The following SLC35F3 variants were observed in gnomAD, a reference collection of about 807,000 sequenced individuals.
SLC35F3 encodes the protein putative thiamine transporter SLC35F3.
In SLC35F3, 25 loss-of-function variants were observed where a neutral mutation model predicts 49.9. The ratio of observed to expected loss-of-function variants is 0.50; its 90% CI spans 0.37 to 0.70. The LOEUF (loss-of-function observed/expected upper bound fraction) is 0.70, where lower values mean the gene tolerates loss of function less well. Ranked by LOEUF, SLC35F3 falls within the 30% of genes least tolerant of loss-of-function variation. The probability of loss-of-function intolerance (pLI) is 0.00; values close to 1 mark genes in which losing one functional copy is unlikely to be tolerated. For synonymous variants in SLC35F3, 275 were observed against 265.4 expected (o/e 1.04, Z -0.35); for missense variants, 525 against 639.8 (o/e 0.82, Z 1.94).
chr1:234,309,604 T>G (rs1175590034), intron 4 of SLC35F3, among the ~76,000 whole-genome samples: 1 of 152,244 alleles, frequency 6.6e-6, no homozygotes, highest in Non-Finnish European at 1.5e-5. Flanking sequence ...GGACCCAGCC[T>G]GGGAATGGCG....
chr1:234,149,570 G>A (rs900768933), intron 2 of SLC35F3, among the ~76,000 whole-genome samples: 1 of 152,112 alleles, frequency 6.6e-6, no homozygotes, highest in Non-Finnish European at 1.5e-5. Context: ...CATCCCTGAT[G>A]GCTTCCTCCA....
intron 2 of SLC35F3, among the ~76,000 whole-genome samples, chr1:233,951,504 G>T (rs187183006): frequency 6.6e-6 from 1 of 151,976 alleles, no homozygotes; most frequent in East Asian, 1.9e-4. Context: ...TCTTTGTTTA[G>T]ATATGTTTAG....
chr1:234,307,021 A>G (rs768342458), intron 3 of SLC35F3, among the ~76,000 whole-genome samples: 52 of 152,194 alleles, frequency 3.4e-4, no homozygotes, highest in Non-Finnish European at 1.6e-4. Flanking sequence ...GGTCATACTC[A>G]ATGGACCAGC....
At chr1:234,005,088 A>G (rs1420899697) in intron 2 of SLC35F3, among the ~76,000 whole-genome samples, 1 of 152,186 alleles carries the variant, frequency 6.6e-6, no homozygotes, top group East Asian at 1.9e-4. Context: ...AAAAGATTTT[A>G]AAGACAAATT....
intron 2 of SLC35F3, among the ~76,000 whole-genome samples, chr1:234,166,016 C>T (rs1054105328): frequency 3.9e-5 from 6 of 152,098 alleles, no homozygotes; most frequent in African/African-American, 1.4e-4. Flanking sequence ...CAAGTTGATG[C>T]AAAAAATATT....
intron 2 of SLC35F3, among the ~76,000 whole-genome samples, chr1:234,058,768 A>G (rs189067100): frequency 1.3e-4 from 20 of 152,256 alleles, no homozygotes; most frequent in East Asian, 9.6e-4. Flanking sequence ...TGCCGCCCTC[A>G]TAGAATGATT....
intron 2 of SLC35F3, among the ~76,000 whole-genome samples, chr1:234,075,666 G>C (rs114472195): frequency 6.6e-6 from 1 of 152,174 alleles, no homozygotes; most frequent in Non-Finnish European, 1.5e-5. Flanking sequence ...CTAGGTAGTG[G>C]TGTGAAATCT....
At chr1:234,066,587 T>C (rs979171436) in intron 2 of SLC35F3, among the ~76,000 whole-genome samples, 1 of 152,124 alleles carries the variant, frequency 6.6e-6, no homozygotes, top group Non-Finnish European at 1.5e-5. Flanking sequence ...ATTATGCTCC[T>C]GGTCTCTTCC....
At position 234,290,676 on chromosome 1, in the gene SLC35F3, T is replaced by A. The variant is rs1054528747; in HGVS notation, c.609-18425T>A. 9.2e-5 allele frequency among the ~76,000 whole-genome samples: 14 copies of A among 152,332 alleles called. 1 individual carries two copies. Among genetic ancestry groups the A allele is most frequent in the African/African-American group, 3.1e-4 (13 of 41,568 alleles). On this transcript the variant is annotated intron_variant, in intron 3 of 7. Coordinates refer to ENST00000366618, the MANE Select transcript of SLC35F3 (RefSeq NM_173508.4). ...CAGCCTCTGACTGCAAGGGCACTCA[T>A]CAGGACCACTTAGAAAATTAATCAA...
intron 2 of SLC35F3, among the ~76,000 whole-genome samples, chr1:233,941,963 T>TTTG (rs1662431504): frequency 5.4e-5 from 5 of 92,376 alleles, no homozygotes; most frequent in Non-Finnish European, 7.9e-5. Flanking sequence ...TGTTTTTTTG[T>TTTG]TTTTTTTTTT....
At chr1:234,105,228 T>G (rs2045521) in intron 2 of SLC35F3, among the ~76,000 whole-genome samples, 21,196 of 151,994 alleles carry the variant, frequency 0.14, 3,220 homozygotes, top group East Asian at 0.81. Flanking sequence ...ATTCTCCAAT[T>G]CTCTTTCTGA....
chr1:234,196,338 A>G (rs1397404001), intron 2 of SLC35F3, among the ~76,000 whole-genome samples: 1 of 152,242 alleles, frequency 6.6e-6, no homozygotes, highest in African/African-American at 2.4e-5. Flanking sequence ...CCAAGCTGCT[A>G]CCCTGGGCAC....
At chr1:234,240,777 A>G (rs1320492394) in intron 3 of SLC35F3, among the ~76,000 whole-genome samples, 2 of 152,210 alleles carry the variant, frequency 1.3e-5, no homozygotes, top group Non-Finnish European at 2.9e-5. Flanking sequence ...CAGATTAACC[A>G]GGTAGCTGAT....
At chr1:233,919,933 C>T (rs1006726105) in intron 2 of SLC35F3, among the ~76,000 whole-genome samples, 2 of 152,156 alleles carry the variant, frequency 1.3e-5, no homozygotes, top group Non-Finnish European at 2.9e-5. Flanking sequence ...CTCTGTACTC[C>T]GGCCTCAGAC....
In SLC35F3 at chr1:234,231,480, C is replaced by T; in HGVS notation, c.347C>T (p.Ala116Val). ...AEAQAPAGVE[A>V]GGRASRRCWT... Reference sequence around the variant, plus strand: ...GCCCAGGCACCGGCCGGGGTGGAGGCCGGCGGGAGAGCGAGTCGCCGCTGC... The same window carrying T: ...GCCCAGGCACCGGCCGGGGTGGAGGTCGGCGGGAGAGCGAGTCGCCGCTGC... The change falls in exon 3 of 8, where the codon GCC becomes GTC. Residue 116 changes from alanine (A) to valine (V), a missense_variant. Physicochemically the swap from Ala to Val is moderately conservative, Grantham distance 64. This residue lies in a region of SLC35F3 where 228 missense variants were observed against 218.9 expected (regional missense o/e 1.04). Transcript: ENST00000366618. The surrounding 1 kb of genome is among the most constrained non-coding windows in gnomAD (Gnocchi z 5.4). 6.2e-7 allele frequency: 1 copy of T among 1,611,802 alleles called. No homozygotes were observed. The highest frequency in any genetic ancestry group is 1.1e-5 in the South Asian group (1 of 90,986).
At chr1:233,962,472 T>C (rs907104207) in intron 2 of SLC35F3, among the ~76,000 whole-genome samples, 1 of 152,254 alleles carries the variant, frequency 6.6e-6, no homozygotes, top group Admixed American at 6.5e-5. Flanking sequence ...CAATGTGCCT[T>C]ACACTAATTG....
intron 2 of SLC35F3, among the ~76,000 whole-genome samples, chr1:233,968,748 G>T (rs930427182): frequency 1.3e-5 from 2 of 152,112 alleles, no homozygotes; most frequent in African/African-American, 4.8e-5. Flanking sequence ...TCCTCCCAAA[G>T]TGCTGGTATT....
chr1:234,062,943 C>G (rs1253365437), intron 2 of SLC35F3, among the ~76,000 whole-genome samples: 2 of 151,720 alleles, frequency 1.3e-5, no homozygotes, highest in African/African-American at 4.8e-5. Flanking sequence ...CCCGCCTCGG[C>G]CTCCCAAAGT....
chr1:234,123,441 A>G (rs910326193), intron 2 of SLC35F3, among the ~76,000 whole-genome samples: 18 of 151,948 alleles, frequency 1.2e-4, no homozygotes, highest in African/African-American at 4.1e-4. Flanking sequence ...ACACAATCTT[A>G]CTCTATCGCT....
Sources: allele counts gnomAD v4.1 joint callset (sites outside exome capture counted in the v4.1 genomes callset), GRCh38; gene constraint gnomAD v4.1.1; regional missense constraint gnomAD v4.1.1; non-coding constraint Gnocchi (gnomAD v3.1); transcripts MANE v1.5; gene names NCBI Gene and HGNC (gene_info 2026-07-23, HGNC 2026-07-21).